The following GRID1 variants were observed in gnomAD, a reference collection of about 807,000 sequenced individuals.
GRID1 encodes glutamate receptor ionotropic, delta-1.
In GRID1, 28 loss-of-function variants were observed where a neutral mutation model predicts 98.0. The observed-to-expected ratio is 0.29, with a 90% CI of 0.21 to 0.39. The LOEUF (loss-of-function observed/expected upper bound fraction) is 0.39. Among genes scored for constraint, GRID1 ranks in the 10% least tolerant of loss-of-function variants. The pLI, the probability that GRID1 is intolerant of heterozygous loss-of-function variation, is 1.00. For missense variants in GRID1, 1,111 were observed against 1,340.5 expected, an observed-to-expected ratio of 0.83 and a Z score of 2.67; for synonymous variants, 553 against 538.5, an observed-to-expected ratio of 1.03 and a Z score of -0.37.
chr10:86,182,077 G>A (rs1845663613), intron 3 of GRID1, among the ~76,000 whole-genome samples: 4 of 152,204 alleles, frequency 2.6e-5, no homozygotes, highest in Admixed American at 2.6e-4. Flanking sequence ...CTCGACCCCT[G>A]CATCAATTCC....
intron 2 of GRID1, among the ~76,000 whole-genome samples, chr10:86,268,208 T>C (rs1471660217): frequency 6.6e-6 from 1 of 152,230 alleles, no homozygotes; most frequent in Non-Finnish European, 1.5e-5. Flanking sequence ...CTACCCGGTA[T>C]GCTCCCCAAC....
intron 12 of GRID1, among the ~76,000 whole-genome samples, chr10:85,662,656 G>A (rs989560652): frequency 3.3e-5 from 5 of 152,328 alleles, no homozygotes; most frequent in Admixed American, 2.0e-4. Context: ...CCTGAACTGA[G>A]CCTTGTATGA....
intron 4 of GRID1, among the ~76,000 whole-genome samples, chr10:86,030,130 T>C (rs1185645272): frequency 1.3e-5 from 2 of 152,240 alleles, no homozygotes. Flanking sequence ...CTGAGTCTAC[T>C]AGAACTTCTT....
intron 15 of GRID1, among the ~76,000 whole-genome samples, chr10:85,611,509 C>G (rs1335493735): frequency 2.6e-5 from 4 of 152,182 alleles, no homozygotes; most frequent in Non-Finnish European, 5.9e-5. Context: ...ACACAAGGGG[C>G]CTTTGCACAG....
At chr10:85,996,737 G>A (rs1842742527) in intron 4 of GRID1, among the ~76,000 whole-genome samples, 1 of 151,410 alleles carries the variant, frequency 6.6e-6, no homozygotes, top group South Asian at 2.1e-4. Context: ...GCTGAGGCAG[G>A]AGAATCGCTT....
At chr10:85,800,237 C>A (rs918272673) in intron 8 of GRID1, among the ~76,000 whole-genome samples, 2 of 151,298 alleles carry the variant, frequency 1.3e-5, no homozygotes, top group African/African-American at 4.8e-5. Flanking sequence ...AACCAATGGC[C>A]AAAATTATAG....
At chr10:85,648,222 G>A (rs1843222844) in intron 12 of GRID1, among the ~76,000 whole-genome samples, 1 of 152,082 alleles carries the variant, frequency 6.6e-6, no homozygotes, top group African/African-American at 2.4e-5. Context: ...GCCATCAGCA[G>A]CCCAAGAGCA....
chr10:85,977,646 G>A (rs1258074810), intron 4 of GRID1, among the ~76,000 whole-genome samples: 2 of 152,194 alleles, frequency 1.3e-5, no homozygotes, highest in Non-Finnish European at 2.9e-5. Context: ...GTGCTCCCTT[G>A]CACTCACACT....
chr10:85,707,088 C>G (rs1176920288), intron 12 of GRID1, among the ~76,000 whole-genome samples: 1 of 152,136 alleles, frequency 6.6e-6, no homozygotes, highest in African/African-American at 2.4e-5. Flanking sequence ...AAAGCAATGA[C>G]AACAAAAGCC....
intron 2 of GRID1, among the ~76,000 whole-genome samples, chr10:86,245,723 C>A (rs1846716051): frequency 6.6e-6 from 1 of 152,226 alleles, no homozygotes; most frequent in South Asian, 2.1e-4. Flanking sequence ...CACTCACCTG[C>A]CCCAAAGCTG....
chr10:85,949,046 G>A (rs1237992114), intron 4 of GRID1, among the ~76,000 whole-genome samples: 3 of 152,124 alleles, frequency 2.0e-5, no homozygotes, highest in Non-Finnish European at 4.4e-5. Flanking sequence ...AAATTTGGGT[G>A]GAGAGGACAA....
At chr10:86,266,829 C>T (rs1193138672) in intron 2 of GRID1, among the ~76,000 whole-genome samples, 1 of 152,206 alleles carries the variant, frequency 6.6e-6, no homozygotes, top group Admixed American at 6.5e-5. Context: ...ATGAGGCCTA[C>T]TACTTCCTGC....
intron 3 of GRID1, among the ~76,000 whole-genome samples, chr10:86,185,821 A>C (rs752515702): frequency 1.3e-5 from 2 of 152,184 alleles, no homozygotes; most frequent in Non-Finnish European, 2.9e-5. Flanking sequence ...CTCACAATGA[A>C]GTATTCTGTT....
intron 2 of GRID1, among the ~76,000 whole-genome samples, chr10:86,336,679 C>T (rs1848226269): frequency 6.6e-6 from 1 of 152,228 alleles, no homozygotes; most frequent in Non-Finnish European, 1.5e-5. Flanking sequence ...GATTAGGTGA[C>T]AAACCTCATT....
chr10:85,615,982 C>T (rs920626442), intron 14 of GRID1, among the ~76,000 whole-genome samples: 1 of 152,224 alleles, frequency 6.6e-6, no homozygotes, highest in African/African-American at 2.4e-5. Context: ...GCTCTCTCAT[C>T]ACTAAAGCCT....
At chr10:85,883,415 C>T (rs920353315) in intron 5 of GRID1, among the ~76,000 whole-genome samples, 1 of 152,034 alleles carries the variant, frequency 6.6e-6, no homozygotes, top group African/African-American at 2.4e-5. Flanking sequence ...TCTGATTAAA[C>T]TGCACTTTAT....
intron 3 of GRID1, among the ~76,000 whole-genome samples, chr10:86,199,253 C>T (rs1374584934): frequency 1.3e-5 from 2 of 152,124 alleles, no homozygotes; most frequent in African/African-American, 4.8e-5. Context: ...TCTCACTTCT[C>T]TATTGTCAGC....
At chr10:85,605,679 C>T (rs1216924566) in intron 15 of GRID1, 1 of 152,176 alleles carries the variant, frequency 6.6e-6, no homozygotes, top group Non-Finnish European at 1.5e-5. Context: ...GATAGAGGGC[C>T]TGGCCTTTTT....
chr10:86,026,240 T>C (rs542552205), intron 4 of GRID1, among the ~76,000 whole-genome samples: 1 of 152,352 alleles, frequency 6.6e-6, no homozygotes, highest in Admixed American at 6.5e-5. Context: ...TATAAACATA[T>C]GCTTGTATTT....
Sources: allele counts gnomAD v4.1 joint callset (sites outside exome capture counted in the v4.1 genomes callset), GRCh38; gene constraint gnomAD v4.1.1; transcripts MANE v1.5; gene names NCBI Gene and HGNC (gene_info 2026-07-23, HGNC 2026-07-21).